The following ITGAV variants were observed in gnomAD, a reference collection of about 807,000 sequenced individuals.
ITGAV encodes integrin subunit alpha V.
A neutral mutation model predicts 143.8 loss-of-function variants in ITGAV; 76 were observed. The observed-to-expected ratio is 0.53, with a 90% CI of 0.44 to 0.64. ITGAV has a LOEUF of 0.64. Among genes scored for constraint, ITGAV ranks in the 30% least tolerant of loss-of-function variants. The pLI, the probability that ITGAV is intolerant of heterozygous loss-of-function variation, is 0.00. For missense variants in ITGAV, 1,193 were observed against 1,274.7 expected (o/e 0.94, Z 0.98); for synonymous variants, 453 against 446.7 (o/e 1.01, Z -0.18).
chr2:186,620,550 C>T (rs1390931055), intron 2 of ITGAV, among the ~76,000 whole-genome samples: 1 of 152,062 alleles, frequency 6.6e-6, no homozygotes, highest in Non-Finnish European at 1.5e-5. Flanking sequence ...ATCCCTTGAG[C>T]TCAGGAGGTC....
intron 10 of ITGAV, among the ~76,000 whole-genome samples, chr2:186,638,778 A>C (rs1364220314): frequency 2.6e-5 from 4 of 151,822 alleles, no homozygotes; most frequent in Non-Finnish European, 5.9e-5. Context: ...TTTCCTTGGC[A>C]GTATCAGAAT....
At chr2:186,624,977 T>C (rs906536671) in intron 3 of ITGAV, among the ~76,000 whole-genome samples, 5 of 151,976 alleles carry the variant, frequency 3.3e-5, no homozygotes, top group African/African-American at 1.2e-4. Context: ...ACTACAAATA[T>C]GGCCTTCAGA....
chr2:186,664,453 G>T, intron 19 of ITGAV, 41 bp from the exon 20 acceptor site: 1 of 1,592,112 alleles, frequency 6.3e-7, no homozygotes, highest in Non-Finnish European at 8.6e-7. Context: ...TCCCCATGTA[G>T]TCTTTTTTTC....
At chr2:186,652,997 C>T (rs1688480933) in intron 15 of ITGAV, among the ~76,000 whole-genome samples, 1 of 131,038 alleles carries the variant, frequency 7.6e-6, no homozygotes, top group Non-Finnish European at 1.5e-5. Flanking sequence ...GGACTGCAGA[C>T]TGCAGTGGCG....
chr2:186,618,037 G>C (rs1327057075), intron 2 of ITGAV, among the ~76,000 whole-genome samples: 3 of 152,196 alleles, frequency 2.0e-5, no homozygotes, highest in Non-Finnish European at 4.4e-5. Flanking sequence ...CAGGATAGCT[G>C]CCAGTTTCAC....
chr2:186,677,102 T>A (rs144097482), intron 29 of ITGAV, 95 bp from the exon 30 acceptor site: 1 of 1,269,998 alleles, frequency 7.9e-7, no homozygotes, highest in African/African-American at 1.5e-5. Flanking sequence ...TGAAATACAA[T>A]TTAAATGTTC....
At chr2:186,662,317 T>C (rs976826172) in intron 18 of ITGAV, among the ~76,000 whole-genome samples, 1 of 152,196 alleles carries the variant, frequency 6.6e-6, no homozygotes, top group African/African-American at 2.4e-5. Context: ...TTATAGCAAC[T>C]GCTTATATCT....
chr2:186,615,605 T>A (rs1244791996), intron 2 of ITGAV, among the ~76,000 whole-genome samples: 3 of 152,164 alleles, frequency 2.0e-5, no homozygotes, highest in Non-Finnish European at 1.5e-5. Context: ...ATTTCTTCTT[T>A]GGAGAAACAT....
chr2:186,646,793 G>A lies in ITGAV; in HGVS notation c.1267G>A (p.Gly423Arg), dbSNP rs1167622698. The A allele has an allele frequency of 6.2e-7, 1 of 1,612,874 alleles. No individual in the cohort carries two copies. Among genetic ancestry groups the A allele is most frequent in the Non-Finnish European group, 8.5e-7 (1 of 1,179,160 alleles). The part of the protein sequence containing the change: ...LNAVPSQILE[G>R]QWAARSMPPS... ...CGCAGTCCCATCTCAAATCCTTGAA[G>A]GGCAGTGGGCTGCTCGAAGCATGCC... The change falls in exon 13 of 30, where the codon GGG becomes AGG. Residue 423 changes from glycine (G) to arginine (R), a missense_variant. Physicochemically the swap from Gly to Arg is moderately radical, Grantham distance 125. Transcript: ENST00000261023.
At position 186,646,815 on chromosome 2, in the gene ITGAV, T is replaced by C; in HGVS notation, c.1289T>C (p.Met430Thr). 1 of 1,611,896 alleles carries C rather than the reference T, an allele frequency of 6.2e-7. No individual in the cohort carries two copies. The highest frequency in any genetic ancestry group is 8.5e-7 in the Non-Finnish European group (1 of 1,178,388). ...ILEGQWAARSMPPSFGYSMKG... is the reference protein window; with the variant it reads ...ILEGQWAARSTPPSFGYSMKG... Reference sequence around the variant, plus strand: ...GAAGGGCAGTGGGCTGCTCGAAGCATGCCACCAAGCTTTGGCTATTCAATG... The same window carrying C: ...GAAGGGCAGTGGGCTGCTCGAAGCACGCCACCAAGCTTTGGCTATTCAATG... The change falls in exon 13 of 30, where the codon ATG (methionine) becomes ACG (threonine). Residue 430 changes from methionine to threonine, a missense_variant. Physicochemically the swap from Met to Thr is moderately conservative, Grantham distance 81. Coordinates refer to ENST00000261023, the MANE Select transcript of ITGAV (RefSeq NM_002210.5).
chr2:186,642,022 A>G lies in ITGAV; in HGVS notation c.1159+434A>G, dbSNP rs371894676. On this transcript the variant is annotated intron_variant, in intron 12 of 29. Coordinates refer to ENST00000261023, the MANE Select transcript of ITGAV (RefSeq NM_002210.5). ...TACCTCAAAGGTATGATTTGCCATTAATATTTTTAAAGCCATAACTTTGTT... is the reference window on the plus strand; with the variant it reads ...TACCTCAAAGGTATGATTTGCCATTGATATTTTTAAAGCCATAACTTTGTT... Among the ~76,000 whole-genome samples, 229 of 152,364 alleles carry G rather than the reference A, an allele frequency of 1.5e-3. 1 individual carries two copies. Among genetic ancestry groups the G allele is most frequent in the African/African-American group, 5.0e-3 (207 of 41,598 alleles).
intron 1 of ITGAV, chr2:186,600,150 C>A: frequency 1.8e-6 from 1 of 551,426 alleles, no homozygotes; most frequent in Admixed American, 3.4e-5. Flanking sequence ...TTGCCAGGCT[C>A]CTTGACCTTA....
intron 5 of ITGAV, among the ~76,000 whole-genome samples, chr2:186,631,231 C>A (rs996309656): frequency 3.9e-5 from 6 of 152,058 alleles, no homozygotes; most frequent in Non-Finnish European, 8.8e-5. Flanking sequence ...TCAATGAGAG[C>A]TTTATTACAA....
At chr2:186,603,816 G>A (rs911492362) in intron 2 of ITGAV, among the ~76,000 whole-genome samples, 2 of 151,296 alleles carry the variant, frequency 1.3e-5, no homozygotes, top group African/African-American at 2.4e-5. Flanking sequence ...CTCAAAGGGT[G>A]TACAATGAAA....
Position 186,677,918 on chromosome 2 carries a change from C to T in ITGAV, c.*626C>T, listed in dbSNP as rs1185337808. ...TATGAAAATCTGGTAGATCCTATTA[C>T]ACTTCTGTTTATATTAAATCCACAA... On this transcript the variant is annotated 3_prime_UTR_variant, in exon 30 of 30. Coordinates refer to ENST00000261023, the MANE Select transcript of ITGAV (RefSeq NM_002210.5). 2 of 152,438 alleles carry T rather than the reference C, an allele frequency of 1.3e-5. No individual in the cohort carries two copies. Among genetic ancestry groups the T allele is most frequent in the African/African-American group, 2.4e-5 (1 of 41,404 alleles). The allele number at this position is 152,438 out of a possible 1,614,324, so 9.4% of individuals were successfully genotyped here. A position where few individuals can be genotyped will look rare whatever the true frequency, so the allele number is the denominator to read the frequency against.
chr2:186,600,831 C>T (rs1329560255), intron 1 of ITGAV, among the ~76,000 whole-genome samples: 1 of 151,970 alleles, frequency 6.6e-6, no homozygotes, highest in Non-Finnish European at 1.5e-5. Context: ...TGGTGGTGGG[C>T]GGCTGTAATC....
chr2:186,677,050 C>A, intron 29 of ITGAV, 115 bp downstream of exon 29: 1 of 1,225,390 alleles, frequency 8.2e-7, no homozygotes, highest in Non-Finnish European at 1.2e-6. Context: ...AATGATGATA[C>A]TTGATGAGCA....
Position 186,675,938 on chromosome 2 carries a change from G to C in ITGAV, c.2928+11G>C. The C allele has an allele frequency of 7.3e-7, 1 of 1,375,024 alleles. No individual in the cohort carries two copies. Among genetic ancestry groups the C allele is most frequent in the Non-Finnish European group, 1.0e-6 (1 of 970,234 alleles). The allele number at this position is 1,375,024 out of a possible 1,614,324, so 85.2% of individuals were successfully genotyped here. On this transcript the variant is annotated intron_variant, in intron 28 of 29. Coordinates refer to ENST00000261023, the MANE Select transcript of ITGAV (RefSeq NM_002210.5). ...ACCAACTCCACATTGGTAAGTCATT[G>C]GTTTAGGCAAATAGAATAAATTTAC...
At chr2:186,635,994 G>A in intron 6 of ITGAV, 88 bp from the exon 7 acceptor site, 1 of 1,094,904 alleles carries the variant, frequency 9.1e-7, no homozygotes, top group Non-Finnish European at 1.3e-6. Flanking sequence ...ATCTAATATT[G>A]TTTTCCTTCA....
Sources: allele counts gnomAD v4.1 joint callset (sites outside exome capture counted in the v4.1 genomes callset), GRCh38; gene constraint gnomAD v4.1.1; transcripts MANE v1.5; gene names NCBI Gene and HGNC (gene_info 2026-07-23, HGNC 2026-07-21).